Variants in PDE4D observed in about 807,000 individuals in gnomAD.
PDE4D encodes phosphodiesterase 4D, also known as 3',5'-cyclic-AMP phosphodiesterase 4D.
A neutral mutation model predicts 87.4 loss-of-function variants in PDE4D; 24 were observed. The observed-to-expected ratio is 0.27, with a 90% CI of 0.20 to 0.39. The LOEUF (loss-of-function observed/expected upper bound fraction) is 0.39, where lower values mean the gene tolerates loss of function less well. PDE4D is among the 10% of genes least tolerant of loss of function. The probability of loss-of-function intolerance (pLI) is 1.00; values close to 1 mark genes in which losing one functional copy is unlikely to be tolerated. For synonymous variants in PDE4D, 384 were observed against 383.2 expected (o/e 1.00, Z -0.02); for missense variants, 714 against 1,041.0 (o/e 0.69, Z 4.32).
At chr5:59,540,564 T>C (rs1816147795) in intron 1 of PDE4D, among the ~76,000 whole-genome samples, 1 of 152,262 alleles carries the variant, frequency 6.6e-6, no homozygotes, top group African/African-American at 2.4e-5. Context: ...TTTAATATGA[T>C]GACAGCGTAG....
chr5:60,397,121 A>G (rs1762939328), intron 1 of PDE4D, among the ~76,000 whole-genome samples: 1 of 152,250 alleles, frequency 6.6e-6, no homozygotes, highest in Admixed American at 6.5e-5. Flanking sequence ...TAAAACAGCT[A>G]TCATCAAAAG....
At chr5:59,434,610 T>C (rs1796548664) in intron 1 of PDE4D, among the ~76,000 whole-genome samples, 1 of 152,172 alleles carries the variant, frequency 6.6e-6, no homozygotes, top group Non-Finnish European at 1.5e-5. Context: ...CACATTTTTC[T>C]GCTGTTACCA....
At chr5:59,408,395 T>C (rs1354860671) in intron 1 of PDE4D, among the ~76,000 whole-genome samples, 1 of 152,204 alleles carries the variant, frequency 6.6e-6, no homozygotes, top group East Asian at 1.9e-4. Flanking sequence ...TCAGAGGATG[T>C]ATCAGAAAGC....
chr5:60,266,603 G>C (rs111998376), intron 1 of PDE4D, among the ~76,000 whole-genome samples: 1 of 152,166 alleles, frequency 6.6e-6, no homozygotes, highest in East Asian at 1.9e-4. Flanking sequence ...CAATCTCCAG[G>C]CTTCTGTTTC....
intron 8 of PDE4D, 46 bp from the exon 9 acceptor site, chr5:58,990,948 G>T: frequency 9.4e-7 from 1 of 1,069,130 alleles, no homozygotes; most frequent in Admixed American, 2.2e-5. Flanking sequence ...AGAAAGTGGA[G>T]TAAAATATGA....
chr5:59,188,012 A>G (rs2153482242), intron 3 of PDE4D, among the ~76,000 whole-genome samples: 1 of 152,168 alleles, frequency 6.6e-6, no homozygotes, highest in East Asian at 1.9e-4. Flanking sequence ...ACAAAGAGGG[A>G]GCATCTGTTA....
intron 1 of PDE4D, among the ~76,000 whole-genome samples, chr5:60,249,347 T>C (rs1748164174): frequency 6.6e-6 from 1 of 152,086 alleles, no homozygotes; most frequent in Non-Finnish European, 1.5e-5. Flanking sequence ...GTCAGCATCA[T>C]GTCACCATGG....
At chr5:59,599,615 C>T (rs1002432369) in intron 1 of PDE4D, among the ~76,000 whole-genome samples, 6 of 152,086 alleles carry the variant, frequency 3.9e-5, no homozygotes, top group Non-Finnish European at 8.8e-5. Flanking sequence ...TGCATTCATG[C>T]TAAACCATCA....
At chr5:59,492,940 A>G (rs1806483639) in intron 1 of PDE4D, among the ~76,000 whole-genome samples, 1 of 152,142 alleles carries the variant, frequency 6.6e-6, no homozygotes, top group Non-Finnish European at 1.5e-5. Flanking sequence ...GCCTTTTGCC[A>G]TGATTGTGAG....
chr5:59,996,749 G>A (rs576657759), intron 2 of PDE4D, among the ~76,000 whole-genome samples: 19 of 152,244 alleles, frequency 1.2e-4, no homozygotes, highest in Non-Finnish European at 2.6e-4. Context: ...AAAGGGCATT[G>A]TATCGACTTA....
Position 59,581,058 on chromosome 5 carries a change from C to T in PDE4D, c.455+312110G>A, listed in dbSNP as rs552878826. Among the ~76,000 whole-genome samples, 11 of 152,132 alleles carry T rather than the reference C, an allele frequency of 7.2e-5. No individual in the cohort carries two copies. In the South Asian group the frequency reaches 2.1e-3, roughly 29 times the overall value. On this transcript the variant is annotated intron_variant, in intron 1 of 14. Transcript: ENST00000340635. ...CTGGTACTTCTCAAACAACTGGAAA[C>T]GTCACCTAATAGTCCATCAAGTTAT...
intron 1 of PDE4D, among the ~76,000 whole-genome samples, chr5:59,809,821 A>G (rs988047772): frequency 2.6e-5 from 4 of 152,212 alleles, no homozygotes; most frequent in African/African-American, 9.6e-5. Context: ...ATTCAGAGTC[A>G]GAGGACCAGA....
intron 1 of PDE4D, among the ~76,000 whole-genome samples, chr5:60,243,301 T>A (rs1363516110): frequency 1.3e-5 from 2 of 151,816 alleles, no homozygotes; most frequent in Non-Finnish European, 2.9e-5. Flanking sequence ...AGACCAATAA[T>A]AAGCAACAAG....
At chr5:59,890,038 G>C (rs1394500835) in intron 1 of PDE4D, among the ~76,000 whole-genome samples, 1 of 152,024 alleles carries the variant, frequency 6.6e-6, no homozygotes, top group Non-Finnish European at 1.5e-5. Context: ...CTTTCCCATT[G>C]CTTCACAAAC....
intron 1 of PDE4D, among the ~76,000 whole-genome samples, chr5:59,563,263 C>T (rs1375173197): frequency 1.3e-5 from 2 of 152,176 alleles, no homozygotes; most frequent in African/African-American, 2.4e-5. Context: ...GGAATTTCAG[C>T]ATCAAAGGAA....
intron 1 of PDE4D, among the ~76,000 whole-genome samples, chr5:60,520,542 T>G (rs1478021500): frequency 1.3e-5 from 2 of 152,190 alleles, no homozygotes; most frequent in Middle Eastern, 3.2e-3. Flanking sequence ...CTTTATCTTG[T>G]GAGTCCAGAA....
At chr5:59,438,013 CCAG>C (rs1311920061) in intron 1 of PDE4D, among the ~76,000 whole-genome samples, 5 of 152,140 alleles carry the variant, frequency 3.3e-5, no homozygotes, top group African/African-American at 1.2e-4. Flanking sequence ...GCTTATAAAA[CCAG>C]CAGATCTCAT....
At chr5:60,261,927 C>T (rs1749685626) in intron 1 of PDE4D, among the ~76,000 whole-genome samples, 1 of 152,074 alleles carries the variant, frequency 6.6e-6, no homozygotes, top group South Asian at 2.1e-4. Flanking sequence ...CCCCCTGTGA[C>T]CTGTTGGCAC....
At chr5:60,402,719 G>C (rs1741198384) in intron 1 of PDE4D, among the ~76,000 whole-genome samples, 1 of 152,218 alleles carries the variant, frequency 6.6e-6, no homozygotes, top group South Asian at 2.1e-4. Context: ...ATCTTATGTT[G>C]ATGCTTAATA....
Sources: gnomAD v4.1 joint callset for allele counts (sites outside exome capture counted in the v4.1 genomes callset) on GRCh38, gnomAD v4.1.1 for gene constraint, MANE v1.5 for transcripts, NCBI Gene and HGNC (gene_info 2026-07-23, HGNC 2026-07-21) for gene names.